The following PIWIL3 variants were observed in gnomAD, a reference collection of about 807,000 sequenced individuals.
PIWIL3 encodes piwi-like protein 3.
A neutral mutation model predicts 109.7 loss-of-function variants in PIWIL3; 101 were observed. That is an observed-to-expected ratio of 0.92 (90% CI 0.78 to 1.09). The LOEUF is 1.09. PIWIL3 is among the 50% of genes least tolerant of loss of function. PIWIL3 has a pLI of 0.00. For missense variants in PIWIL3, 1,031 were observed against 1,072.6 expected (o/e 0.96, Z 0.54); for synonymous variants, 373 against 376.4 (o/e 0.99, Z 0.10).
rs749067908 is a variant in PIWIL3, at chr22:24,762,407, TCCAGGTGCTCTGGGTCCC to T, written c.75_92del (p.Gly26_Gly31del). On this transcript the variant is annotated inframe_deletion, in exon 2 of 21. Transcript: ENST00000616349. Reference sequence around the variant, plus strand: ...ACGTTACAGGGCTCACTGTAGCTGATCCAGGTGCTCTGGGTCCCCCAGGTGCCTCTTGTTGGTAGCTCT... The same window carrying T: ...ACGTTACAGGGCTCACTGTAGCTGATCCAGGTGCCTCTTGTTGGTAGCTCT... 6.2e-7 allele frequency: 1 copy of T among 1,613,622 alleles called. No homozygotes were observed. The highest frequency in any genetic ancestry group is 8.5e-7 in the Non-Finnish European group (1 of 1,179,812).
At position 24,722,676 on chromosome 22, in the gene PIWIL3, G is replaced by A. The variant is rs9612742; in HGVS notation, c.2357+454C>T. 5.2e-3 allele frequency among the ~76,000 whole-genome samples: 793 copies of A among 152,116 alleles called. 7 individuals are homozygous for A. The highest frequency in any genetic ancestry group is 0.01 in the Middle Eastern group (3 of 294). On this transcript the variant is annotated intron_variant, in intron 19 of 20. Transcript: ENST00000616349. ...GGCAGTGTGCCTGTGCCAAGATTGCGCCACTGCACTCCAGCCTGGGCAACA... is the reference window on the plus strand; with the variant it reads ...GGCAGTGTGCCTGTGCCAAGATTGCACCACTGCACTCCAGCCTGGGCAACA...
rs144945178 is a variant in PIWIL3, at chr22:24,735,714, G to T, written c.1628C>A (p.Ala543Glu). ...GAATTTCTGCTCTACTTACATTTCTGCTGGTTTCATAGTTATGCCCATGGG... is the reference window on the plus strand; with the variant it reads ...GAATTTCTGCTCTACTTACATTTCTTCTGGTTTCATAGTTATGCCCATGGG... ...TAPMGITMKP[A>E]EMIEVDGDAN... The change falls in exon 13 of 21, where the codon GCA becomes GAA. Residue 543 changes from alanine (A) to glutamate (E), a missense_variant. Physicochemically the swap from Ala to Glu is moderately radical, Grantham distance 107. Transcript: ENST00000616349. The T allele has an allele frequency of 1.6e-3, 2,550 of 1,586,518 alleles. 39 individuals are homozygous for T. The South Asian group carries it at 0.02, about 13-fold the overall frequency.
intron 12 of PIWIL3, among the ~76,000 whole-genome samples, chr22:24,744,311 G>A (rs1924223268): frequency 6.6e-6 from 1 of 151,870 alleles, no homozygotes; most frequent in Non-Finnish European, 1.5e-5. Context: ...GGTGGCTCAT[G>A]CCTGTAATCC....
At chr22:24,721,155 A>C (rs1159809310) in intron 19 of PIWIL3, among the ~76,000 whole-genome samples, 3 of 152,146 alleles carry the variant, frequency 2.0e-5, no homozygotes, top group Non-Finnish European at 4.4e-5. Context: ...CTAACTGAGC[A>C]TGTTTGTATT....
chr22:24,737,380 C>T (rs1437112698), intron 12 of PIWIL3, among the ~76,000 whole-genome samples: 2 of 152,142 alleles, frequency 1.3e-5, no homozygotes, highest in African/African-American at 4.8e-5. Context: ...GGACCCAGCC[C>T]AGGCAGGTTT....
In PIWIL3 at chr22:24,762,473, G is replaced by C; in HGVS notation, c.27C>G (p.Ala9=). The stretch of plus-strand genomic sequence containing the variant: ...TCTCCCTGCGGCGGGCTCTGCCTCG[G>C]GCGCGAGTCCTTGCCCTACCAGGCA... MPGRARTR[A]RGRARRRESY... Residue 9 remains alanine (A), a synonymous_variant, in exon 2 of 21, where the codon GCC becomes GCG. Coordinates refer to ENST00000616349, the MANE Select transcript of PIWIL3 (RefSeq NM_001255975.1). The C allele has an allele frequency of 6.2e-7, 1 of 1,613,752 alleles. No homozygotes were observed. Among genetic ancestry groups the C allele is most frequent in the South Asian group, 1.1e-5 (1 of 90,984 alleles).
chr22:24,742,585 A>T (rs1924075716), intron 12 of PIWIL3, among the ~76,000 whole-genome samples: 1 of 152,254 alleles, frequency 6.6e-6, no homozygotes, highest in Non-Finnish European at 1.5e-5. Flanking sequence ...TAGAGAACCC[A>T]GAAATAAAGC....
chr22:24,733,217 A>G (rs1018515994), intron 14 of PIWIL3, among the ~76,000 whole-genome samples: 1 of 152,202 alleles, frequency 6.6e-6, no homozygotes, highest in Admixed American at 6.5e-5. Context: ...TGGTCAAGAA[A>G]CAAAGACATC....
chr22:24,755,428 C>G (rs1924963575), intron 6 of PIWIL3, among the ~76,000 whole-genome samples: 1 of 152,162 alleles, frequency 6.6e-6, no homozygotes, highest in Non-Finnish European at 1.5e-5. Context: ...CGGCCTCAAA[C>G]TCTGCCTTTC....
At chr22:24,754,662 T>C in intron 7 of PIWIL3, 122 bp downstream of exon 7, 1 of 744,742 alleles carries the variant, frequency 1.3e-6, no homozygotes, top group Non-Finnish European at 2.3e-6. Context: ...TCATGGTCAG[T>C]GGATACCATT....
At chr22:24,732,918 C>A (rs2147662552) in intron 14 of PIWIL3, among the ~76,000 whole-genome samples, 1 of 152,072 alleles carries the variant, frequency 6.6e-6, no homozygotes, top group South Asian at 2.1e-4. Flanking sequence ...GCTGCCAAAG[C>A]CCCTTTTACT....
At chr22:24,749,585 C>G in intron 10 of PIWIL3, 64 bp from the exon 11 acceptor site, 1 of 1,610,184 alleles carries the variant, frequency 6.2e-7, no homozygotes. Context: ...TAAATTATAA[C>G]AGCTGGAGGA....
At chr22:24,770,710 C>T (rs928174622) in intron 1 of PIWIL3, among the ~76,000 whole-genome samples, 5 of 151,180 alleles carry the variant, frequency 3.3e-5, no homozygotes, top group African/African-American at 7.3e-5. Context: ...TGGCAGGCAC[C>T]TGTAATACCA....
Position 24,756,655 on chromosome 22 carries a change from A to G in PIWIL3, c.406T>C (p.Ser136Pro), listed in dbSNP as rs1253159249. ...QLLANHFRVISRPQWVAYKYN... is the reference protein window; with the variant it reads ...QLLANHFRVIPRPQWVAYKYN... ...TTATATGCAACCCACTGAGGACGAG[A>G]TATCACTCGGAAGTGGTTGGCGAGT... Residue 136 changes from serine to proline, a missense_variant, in exon 5 of 21, where the codon TCT becomes CCT. Ser to Pro is a moderately conservative substitution (Grantham distance 74, BLOSUM62 -1). Transcript: ENST00000616349. 6.2e-7 allele frequency: 1 copy of G among 1,614,010 alleles called. No individual in the cohort carries two copies. The highest frequency in any genetic ancestry group is 1.3e-5 in the African/African-American group (1 of 74,924).
At chr22:24,729,018 T>G (rs549435985) in intron 14 of PIWIL3, among the ~76,000 whole-genome samples, 1 of 152,236 alleles carries the variant, frequency 6.6e-6, no homozygotes, top group Admixed American at 6.5e-5. Flanking sequence ...GCAGAAATGC[T>G]TTTGTTCTTT....
At chr22:24,760,818 C>CCAGG (rs1925392862) in intron 2 of PIWIL3, among the ~76,000 whole-genome samples, 1 of 128,026 alleles carries the variant, frequency 7.8e-6, no homozygotes, top group Non-Finnish European at 1.7e-5. Flanking sequence ...TGACAGGATA[C>CCAGG]CAGGCAGAGG....
chr22:24,729,933 CTTTTTTT>C (rs77524370), intron 14 of PIWIL3, among the ~76,000 whole-genome samples: 1 of 125,904 alleles, frequency 7.9e-6, no homozygotes, highest in Non-Finnish European at 1.7e-5. Flanking sequence ...TCTACTTTTT[CTTTTTTT>C]TTTTTTTTAG....
At chr22:24,726,011 C>A (rs1264263449) in intron 16 of PIWIL3, among the ~76,000 whole-genome samples, 1 of 152,070 alleles carries the variant, frequency 6.6e-6, no homozygotes, top group Non-Finnish European at 1.5e-5. Context: ...TCACAGTAAC[C>A]CCATCTGACC....
chr22:24,731,527 T>G (rs1923348320), intron 14 of PIWIL3, among the ~76,000 whole-genome samples: 1 of 152,014 alleles, frequency 6.6e-6, no homozygotes, highest in Admixed American at 6.6e-5. Flanking sequence ...GGCGGACGCC[T>G]GTAGTCCCAG....
Sources: gnomAD v4.1 joint callset for allele counts (sites outside exome capture counted in the v4.1 genomes callset) on GRCh38, gnomAD v4.1.1 for gene constraint, MANE v1.5 for transcripts, NCBI Gene and HGNC (gene_info 2026-07-23, HGNC 2026-07-21) for gene names.